EPHA8: variants seen among roughly 807,000 people sequenced by gnomAD.
EPHA8 encodes EPH receptor A8, also known as ephrin type-A receptor 8.
EPHA8 carries 58 observed loss-of-function variants against 103.6 expected under a neutral mutation model. The ratio of observed to expected loss-of-function variants is 0.56; its 90% CI spans 0.45 to 0.70. The LOEUF is 0.70. Ranked by LOEUF, EPHA8 falls within the 30% of genes least tolerant of loss-of-function variation. The pLI, the probability that EPHA8 is intolerant of heterozygous loss-of-function variation, is 0.00. For synonymous variants in EPHA8, 559 were observed against 572.5 expected (o/e 0.98, Z 0.34); for missense variants, 1,304 against 1,395.2 (o/e 0.93, Z 1.04).
At chr1:22,578,482 GTGTGTGCA>G (rs1197295026) in intron 3 of EPHA8, among the ~76,000 whole-genome samples, 9 of 149,542 alleles carry the variant, frequency 6.0e-5, no homozygotes, top group East Asian at 4.0e-4. Context: ...ATGTGCATGA[GTGTGTGCA>G]TGTGTGCATG....
chr1:22,583,174 T>C (rs1641093493), intron 3 of EPHA8, among the ~76,000 whole-genome samples: 1 of 152,152 alleles, frequency 6.6e-6, no homozygotes, highest in Non-Finnish European at 1.5e-5. Context: ...ACGTGCAGGC[T>C]CCGGAAGCAC....
At position 22,597,578 on chromosome 1, in the gene EPHA8, G is replaced by C. The variant is rs1265449137; in HGVS notation, c.1931-98G>C. On this transcript the variant is annotated intron_variant, in intron 10 of 16. Coordinates refer to ENST00000166244, the MANE Select transcript of EPHA8 (RefSeq NM_020526.5). The surrounding 1 kb of genome is among the most constrained non-coding windows in gnomAD (Gnocchi z 4.6). ...GGGCAGAGGGAGCGTGTGACCCAGG[G>C]GTCTGGCAAGCCCAGGGGGTCCAAG... 4.5e-6 allele frequency: 7 copies of C among 1,554,144 alleles called. No homozygotes were observed. The East Asian group carries it at 9.0e-5, about 20-fold the overall frequency.
intron 4 of EPHA8, among the ~76,000 whole-genome samples, chr1:22,587,771 C>A (rs918057446): frequency 6.6e-6 from 1 of 152,202 alleles, no homozygotes; most frequent in Non-Finnish European, 1.5e-5. Context: ...CCCCAGCCTC[C>A]CTGCACATGG....
At chr1:22,585,997 C>A (rs1288864244) in intron 3 of EPHA8, among the ~76,000 whole-genome samples, 2 of 152,158 alleles carry the variant, frequency 1.3e-5, no homozygotes, top group Admixed American at 1.3e-4. Flanking sequence ...TTCCCAGCAC[C>A]CCCATCCCTG....
chr1:22,597,871 G>A lies in EPHA8; in HGVS notation c.2116+10G>A, dbSNP rs72651347. On this transcript the variant is annotated intron_variant, in intron 11 of 16. Transcript: ENST00000166244. The surrounding 1 kb of genome is among the most constrained non-coding windows in gnomAD (Gnocchi z 4.6). ...GGTGTCGTCACCCGTGGTAGGTGCC[G>A]GGCAAAGACAGCCTCCCCCTGCAGT... 0.036 allele frequency: 57,211 copies of A among 1,600,242 alleles called. 1,148 individuals are homozygous for A. The highest frequency in any genetic ancestry group is 0.052 in the South Asian group (4,602 of 88,840).
In EPHA8 at chr1:22,576,155, C is replaced by A; in HGVS notation, c.160-62C>A. 1 of 1,533,970 alleles carries A rather than the reference C, an allele frequency of 6.5e-7. No homozygotes were observed. The highest frequency in any genetic ancestry group is 1.3e-5 in the South Asian group (1 of 79,166). ...GCGTCCCCAGCACAGAACACAGGGT[C>A]ATTGGCAAAAGAGGGTGAGGTGCTG... is the stretch of plus-strand genomic sequence containing the variant. On this transcript the variant is annotated intron_variant, in intron 2 of 16. Transcript: ENST00000166244. The surrounding 1 kb of genome is among the most constrained non-coding windows in gnomAD (Gnocchi z 4.8).
intron 4 of EPHA8, 42 bp downstream of exon 4, chr1:22,586,677 C>G (rs1253635268): frequency 1.9e-6 from 3 of 1,601,842 alleles, no homozygotes; most frequent in Non-Finnish European, 2.6e-6. Flanking sequence ...GAGCCCAAGA[C>G]TGGGCCGGGC....
chr1:22,585,378 G>A (rs1641174297), intron 3 of EPHA8, among the ~76,000 whole-genome samples: 1 of 152,180 alleles, frequency 6.6e-6, no homozygotes, highest in East Asian at 1.9e-4. Flanking sequence ...GTGCATTTTG[G>A]AGACTCCCTC....
In EPHA8 at chr1:22,588,940, C is replaced by G. The variant is rs1641294154; in HGVS notation, c.1049C>G (p.Pro350Arg). The change falls in exon 5 of 17, where the codon CCT (proline) becomes CGT (arginine). Residue 350 changes from proline to arginine, a missense_variant. Transcript: ENST00000166244. ...ACATCAGTGACTCTGGAGTGGGCCC[C>G]TCCCCTGGACCCAGGTGGCCGCAGT... ...NGTSVTLEWAPPLDPGGRSDI... is the reference protein window; with the variant it reads ...NGTSVTLEWARPLDPGGRSDI... 6.2e-7 allele frequency: 1 copy of G among 1,611,946 alleles called. No individual in the cohort carries two copies. Among genetic ancestry groups the G allele is most frequent in the Admixed American group, 1.7e-5 (1 of 60,012 alleles).
In EPHA8 at chr1:22,593,517, G is replaced by A. The variant is rs371652847; in HGVS notation, c.1441-7G>A. The A allele has an allele frequency of 6.8e-5, 109 of 1,611,126 alleles. 1 individual carries two copies. Among genetic ancestry groups the A allele is most frequent in the East Asian group, 2.9e-4 (13 of 44,842 alleles). ...GGCAGGGCCCACTGACCACCGTCCC[G>A]TGGCAGGACAAGGAGATGCAGAGCT... On this transcript the variant is annotated splice_region_variant and splice_polypyrimidine_tract_variant and intron_variant, in intron 6 of 16. Coordinates refer to ENST00000166244, the MANE Select transcript of EPHA8 (RefSeq NM_020526.5).
rs1205817256 is a variant in EPHA8, at chr1:22,569,548, C to T, written c.159+195C>T. ...CATACAGACCCTTGAGATTACAGAACCAACCCTGGCACCAGATCCCTGATT... is the reference window on the plus strand; with the variant it reads ...CATACAGACCCTTGAGATTACAGAATCAACCCTGGCACCAGATCCCTGATT... On this transcript the variant is annotated intron_variant, in intron 2 of 16. Coordinates refer to ENST00000166244, the MANE Select transcript of EPHA8 (RefSeq NM_020526.5). This position sits in a 1 kb window ranked among gnomAD's most constrained non-coding sequence, Gnocchi z 4.5. 6.6e-6 allele frequency among the ~76,000 whole-genome samples: 1 copy of T among 152,204 alleles called. No individual in the cohort carries two copies. The highest frequency in any genetic ancestry group is 1.9e-4 in the East Asian group (1 of 5,194).
At chr1:22,596,352 C>T (rs940717049) in intron 9 of EPHA8, among the ~76,000 whole-genome samples, 179 bp downstream of exon 9, 1 of 152,220 alleles carries the variant, frequency 6.6e-6, no homozygotes, top group African/African-American at 2.4e-5. Flanking sequence ...CCGTTCATGC[C>T]TCCTGGACTC....
intron 3 of EPHA8, among the ~76,000 whole-genome samples, chr1:22,579,054 CATGT>C (rs1460352366): frequency 5.5e-5 from 7 of 127,846 alleles, no homozygotes; most frequent in Non-Finnish European, 8.3e-5. Flanking sequence ...TGCATTTGTG[CATGT>C]ATGTATGCAT....
At chr1:22,588,282 C>T (rs1025215309) in intron 4 of EPHA8, among the ~76,000 whole-genome samples, 5 of 150,282 alleles carry the variant, frequency 3.3e-5, no homozygotes, top group African/African-American at 5.0e-5. Context: ...AGCCCCACGT[C>T]CTGGTCTCCT....
chr1:22,601,048 C>A lies in EPHA8; in HGVS notation c.2689C>A (p.Arg897Ser). 1 of 1,611,816 alleles carries A rather than the reference C, an allele frequency of 6.2e-7. No homozygotes were observed. Among genetic ancestry groups the A allele is most frequent in the South Asian group, 1.1e-5 (1 of 90,990 alleles). ...QIVSVLDALIRSPESLRATAT... is the reference protein window; with the variant it reads ...QIVSVLDALISSPESLRATAT... ...TGTCAGTGTCCTCGATGCGCTCATC[C>A]GCAGCCCTGAGAGTCTCAGGGCCAC... The change falls in exon 15 of 17, where the codon CGC becomes AGC. Residue 897 changes from arginine (R) to serine (S), a missense_variant. Arg to Ser is a moderately radical substitution (Grantham distance 110). Coordinates refer to ENST00000166244, the MANE Select transcript of EPHA8 (RefSeq NM_020526.5).
chr1:22,600,991 G>C lies in EPHA8; in HGVS notation c.2632G>C (p.Asp878His). 6 of 1,613,028 alleles carry C rather than the reference G, an allele frequency of 3.7e-6. No individual in the cohort carries two copies. Among genetic ancestry groups the C allele is most frequent in the Non-Finnish European group, 5.1e-6 (6 of 1,179,886 alleles). ...HQLMLDCWHK[D>H]RAQRPRFSQI... ...GCTCATGCTCGACTGTTGGCACAAG[G>C]ACCGGGCGCAGCGGCCTCGCTTCTC... Residue 878 changes from aspartate to histidine, a missense_variant, in exon 15 of 17, where the codon GAC (aspartate) becomes CAC (histidine). Asp to His is a moderately conservative substitution (Grantham distance 81). Transcript: ENST00000166244.
intron 2 of EPHA8, among the ~76,000 whole-genome samples, chr1:22,570,685 C>T (rs2124512292): frequency 6.6e-6 from 1 of 152,362 alleles, no homozygotes; most frequent in Middle Eastern, 3.4e-3. Flanking sequence ...AGCCTGTTAT[C>T]AGCCCTCATG....
At chr1:22,578,714 T>C (rs1640906364) in intron 3 of EPHA8, among the ~76,000 whole-genome samples, 1 of 151,558 alleles carries the variant, frequency 6.6e-6, no homozygotes, top group African/African-American at 2.4e-5. Flanking sequence ...TGTATGTATA[T>C]GCATGTGTGC....
intron 3 of EPHA8, among the ~76,000 whole-genome samples, chr1:22,581,253 C>A (rs1206754443): frequency 6.6e-6 from 1 of 152,246 alleles, no homozygotes; most frequent in Non-Finnish European, 1.5e-5. Context: ...CTTCCCTCCT[C>A]CCTGGGGTAG....
Sources: gnomAD v4.1 joint callset for allele counts (sites outside exome capture counted in the v4.1 genomes callset) on GRCh38, gnomAD v4.1.1 for gene constraint, Gnocchi (gnomAD v3.1) non-coding constraint, MANE v1.5 for transcripts, NCBI Gene and HGNC (gene_info 2026-07-23, HGNC 2026-07-21) for gene names.